BBS7: variants seen among roughly 807,000 people sequenced by gnomAD.
BBS7 encodes BBSome complex member BBS7.
BBS7 carries 50 observed loss-of-function variants against 90.3 expected under a neutral mutation model. The observed-to-expected ratio is 0.55, with a 90% CI of 0.44 to 0.70. BBS7 has a LOEUF of 0.70. Among genes scored for constraint, BBS7 ranks in the 30% least tolerant of loss-of-function variants. The pLI is 0.00. For synonymous variants in BBS7, 235 were observed against 287.4 expected, an observed-to-expected ratio of 0.82 and a Z score of 1.85; for missense variants, 729 against 838.9, an observed-to-expected ratio of 0.87 and a Z score of 1.62.
At chr4:121,858,081 C>T (rs1036060618) in intron 5 of BBS7, among the ~76,000 whole-genome samples, 8 of 152,202 alleles carry the variant, frequency 5.3e-5, no homozygotes, top group African/African-American at 1.7e-4. Context: ...GCTGGAATTA[C>T]AGGTGTGAGC....
intron 6 of BBS7, 132 bp downstream of exon 6, chr4:121,855,357 G>A (rs577515089): frequency 4.0e-5 from 33 of 831,262 alleles, no homozygotes; most frequent in South Asian, 1.8e-4. Context: ...TCAATAACTC[G>A]TGCTGTTAGT....
In BBS7 at chr4:121,828,150, G is replaced by A. The variant is rs760248041; in HGVS notation, c.2010C>T (p.Leu670=). The A allele has an allele frequency of 1.2e-6, 2 of 1,613,756 alleles. No homozygotes were observed. Among genetic ancestry groups the A allele is most frequent in the Non-Finnish European group, 1.7e-6 (2 of 1,179,798 alleles). ...ATTCTAGAATGGTCCACTAACCATA[G>A]AGTCTTTCAAGATGTGCAGGTTGCT... ...YKKQPAHLER[L]YGMITDLFID... Residue 670 remains leucine, a synonymous_variant, in exon 18 of 19, where the codon CTC becomes CTT. Transcript: ENST00000264499.
intron 4 of BBS7, among the ~76,000 whole-genome samples, chr4:121,860,006 G>A (rs1033926281): frequency 6.6e-6 from 1 of 151,896 alleles, no homozygotes; most frequent in Non-Finnish European, 1.5e-5. Context: ...AATTTTATTT[G>A]AATGTTTCAT....
Position 121,845,563 on chromosome 4 carries a change from C to G in BBS7, c.1171G>C (p.Asp391His). 1 of 1,613,026 alleles carries G rather than the reference C, an allele frequency of 6.2e-7. No homozygotes were observed. The highest frequency in any genetic ancestry group is 8.5e-7 in the Non-Finnish European group (1 of 1,179,478). ...TCTAAGATAAGGCTGTAACTGGCATCATCTTTATTTAGTGTAAATTTATCA... is the reference window on the plus strand; with the variant it reads ...TCTAAGATAAGGCTGTAACTGGCATGATCTTTATTTAGTGTAAATTTATCA... ...INDKFTLNKD[D>H]ASYSLILEVQ... Residue 391 changes from aspartate (D) to histidine (H), a missense_variant, in exon 11 of 19, where the codon GAT becomes CAT. Physicochemically the swap from Asp to His is moderately conservative, Grantham distance 81. Transcript: ENST00000264499.
At chr4:121,841,513 C>T (rs1347437318) in intron 12 of BBS7, among the ~76,000 whole-genome samples, 1 of 152,110 alleles carries the variant, frequency 6.6e-6, no homozygotes, top group Non-Finnish European at 1.5e-5. Context: ...CTGCAATAAG[C>T]TATGATCACG....
Position 121,854,912 on chromosome 4 carries a change from A to G in BBS7, c.602-92T>C, listed in dbSNP as rs4833236. On this transcript the variant is annotated intron_variant, in intron 6 of 18. Coordinates refer to ENST00000264499, the MANE Select transcript of BBS7 (RefSeq NM_176824.3). ...GTTGTTATGTAAAAATATCATTTTA[A>G]AAAGTACTATAAAAAGATATAAAAC... 469,609 of 1,242,744 alleles carry G rather than the reference A, an allele frequency of 0.38. 92,126 individuals are homozygous for G. Among genetic ancestry groups the G allele is most frequent in the East Asian group, 0.49 (18,907 of 38,542 alleles). 77.0% of individuals were successfully genotyped at this position (1,242,744 alleles called of 1,614,324 possible). A position where few individuals can be genotyped will look rare whatever the true frequency, so the allele number is the denominator to read the frequency against.
Position 121,846,658 on chromosome 4 carries a change from T to C in BBS7, c.1037+746A>G, listed in dbSNP as rs540238544. ...TGAAGTAGGATATCCTGAATGAATC[T>C]GGTATACTTGTTTGCATGAACATTA... On this transcript the variant is annotated intron_variant, in intron 10 of 18. Transcript: ENST00000264499. Among the ~76,000 whole-genome samples, 12 of 152,294 alleles carry C rather than the reference T, an allele frequency of 7.9e-5. 1 individual carries two copies. The South Asian group carries it at 2.3e-3, about 29-fold the overall frequency.
Position 121,861,501 on chromosome 4 carries a change from T to C in BBS7, c.341+3A>G. 1 of 1,611,038 alleles carries C rather than the reference T, an allele frequency of 6.2e-7. No individual in the cohort carries two copies. The highest frequency in any genetic ancestry group is 8.5e-7 in the Non-Finnish European group (1 of 1,178,784). ...AAAATACAAAAGAGAACAAAAGACA[T>C]ACATAGCTTTAATGCTTTCAGTGAG... On this transcript the variant is annotated splice_donor_region_variant and intron_variant, in intron 4 of 18. Transcript: ENST00000264499.
chr4:121,866,789 T>C (rs1355929127), intron 2 of BBS7, among the ~76,000 whole-genome samples: 2 of 152,214 alleles, frequency 1.3e-5, no homozygotes, highest in Non-Finnish European at 2.9e-5. Context: ...GTTCTCTGTG[T>C]CTCTGTGTTT....
chr4:121,847,140 C>T (rs1726051226), intron 10 of BBS7, among the ~76,000 whole-genome samples: 1 of 152,082 alleles, frequency 6.6e-6, no homozygotes, highest in African/African-American at 2.4e-5. Context: ...GACACACACA[C>T]ACAAAAAAGA....
At chr4:121,840,376 C>A (rs953676358) in intron 12 of BBS7, among the ~76,000 whole-genome samples, 1 of 152,160 alleles carries the variant, frequency 6.6e-6, no homozygotes, top group African/African-American at 2.4e-5. Flanking sequence ...ATGTCTTTAT[C>A]AGCAGTGTGA....
intron 5 of BBS7, 106 bp downstream of exon 5, chr4:121,858,886 A>C (rs186571915): frequency 9.4e-7 from 1 of 1,067,840 alleles, no homozygotes; most frequent in Admixed American, 2.3e-5. Context: ...CCACATGTTT[A>C]TAAAAGCCCT....
intron 11 of BBS7, 96 bp downstream of exon 11, chr4:121,845,408 G>A (rs922397357): frequency 1.4e-6 from 1 of 729,534 alleles, no homozygotes; most frequent in East Asian, 3.1e-5. Flanking sequence ...TAAAATTACT[G>A]TCTAAAACTA....
At position 121,868,030 on chromosome 4, in the gene BBS7, T is replaced by G. The variant is rs1280391034; in HGVS notation, c.53A>C (p.Gln18Pro). 2 of 1,613,410 alleles carry G rather than the reference T, an allele frequency of 1.2e-6. No homozygotes were observed. The highest frequency in any genetic ancestry group is 2.7e-5 in the African/African-American group (2 of 74,926). The change falls in exon 2 of 19, where the codon CAG becomes CCG. Residue 18 changes from glutamine to proline, a missense_variant. By Grantham distance (76) the Gln-to-Pro change is moderately conservative (BLOSUM62 -1). Transcript: ENST00000264499. The stretch of plus-strand genomic sequence containing the variant: ...GGCAGGAATTAGCTTCATAGTCTTC[T>G]GAGATGTTACTCCCACCTAAAGAAA... ...MDYLQVGVTS[Q>P]KTMKLIPASR...
At chr4:121,835,931 A>G (rs1173271587) in intron 13 of BBS7, among the ~76,000 whole-genome samples, 3 of 152,200 alleles carry the variant, frequency 2.0e-5, no homozygotes, top group Non-Finnish European at 4.4e-5. Flanking sequence ...CACTATTACT[A>G]CTTTGGTAGT....
At chr4:121,858,105 C>T (rs778277019) in intron 5 of BBS7, among the ~76,000 whole-genome samples, 2 of 152,170 alleles carry the variant, frequency 1.3e-5, no homozygotes, top group Non-Finnish European at 2.9e-5. Context: ...CATGCCTGGC[C>T]TAAAATGAAC....
intron 14 of BBS7, 22 bp from the exon 15 acceptor site, chr4:121,833,417 G>T: frequency 6.2e-7 from 1 of 1,607,856 alleles, no homozygotes; most frequent in Non-Finnish European, 8.5e-7. Context: ...TAGTAGAGGC[G>T]CACATTTATG....
At chr4:121,842,812 T>C (rs1725813105) in intron 12 of BBS7, among the ~76,000 whole-genome samples, 1 of 152,172 alleles carries the variant, frequency 6.6e-6, no homozygotes, top group Non-Finnish European at 1.5e-5. Context: ...ATCTATACCT[T>C]GACTTCTCTT....
chr4:121,828,957 A>G (rs1021000005), intron 15 of BBS7, among the ~76,000 whole-genome samples: 2 of 143,992 alleles, frequency 1.4e-5, no homozygotes, highest in East Asian at 4.1e-4. Context: ...CCTCCTAAAG[A>G]TGTGACAATT....
Sources: gnomAD v4.1 joint callset for allele counts (sites outside exome capture counted in the v4.1 genomes callset) on GRCh38, gnomAD v4.1.1 for gene constraint, MANE v1.5 for transcripts, NCBI Gene and HGNC (gene_info 2026-07-23, HGNC 2026-07-21) for gene names.